DNM3: variants seen among roughly 807,000 people sequenced by gnomAD.
DNM3 encodes dynamin 3, also known as dynamin-3.
DNM3 carries 47 observed loss-of-function variants against 101.6 expected under a neutral mutation model. That is an observed-to-expected ratio of 0.46 (90% confidence interval 0.37 to 0.59). The LOEUF is 0.59. Ranked by LOEUF, DNM3 falls within the 20% of genes least tolerant of loss-of-function variation. The pLI is 0.00. For missense variants in DNM3, 849 were observed against 1,085.7 expected (o/e 0.78, Z 3.06); for synonymous variants, 385 against 387.9 (o/e 0.99, Z 0.09).
chr1:172,148,399 C>T (rs1339421023), intron 14 of DNM3, among the ~76,000 whole-genome samples: 2 of 150,088 alleles, frequency 1.3e-5, no homozygotes, highest in African/African-American at 2.5e-5. Context: ...GTCAAATATT[C>T]GTCATGATAA....
chr1:172,287,862 T>C (rs2063759261), intron 15 of DNM3, among the ~76,000 whole-genome samples: 1 of 151,822 alleles, frequency 6.6e-6, no homozygotes, highest in South Asian at 2.1e-4. Flanking sequence ...CTTGCTCTGT[T>C]GCCAGGCTGT....
Position 172,032,644 on chromosome 1 carries a change from A to T in DNM3, c.688+144A>T. The T allele has an allele frequency of 4.1e-6, 2 of 487,156 alleles. 1 individual carries two copies. The allele number at this position is 487,156 out of a possible 1,614,324, so 30.2% of individuals were successfully genotyped here. A position where few individuals can be genotyped will look rare whatever the true frequency, so the allele number is the denominator to read the frequency against. On this transcript the variant is annotated intron_variant, in intron 5 of 20. Coordinates refer to ENST00000627582, the MANE Select transcript of DNM3 (RefSeq NM_015569.5). ...GTAAGGAATGGATTTATTATTAGTT[A>T]TACTTTTCTGGAATGGCTGTATGTT...
intron 16 of DNM3, among the ~76,000 whole-genome samples, chr1:172,315,444 T>C (rs1432506537): frequency 6.6e-6 from 1 of 152,200 alleles, no homozygotes; most frequent in Non-Finnish European, 1.5e-5. Flanking sequence ...TACTCCGAGC[T>C]ACAGGAGGAA....
At chr1:171,945,592 C>A (rs948295503) in intron 2 of DNM3, among the ~76,000 whole-genome samples, 1 of 152,104 alleles carries the variant, frequency 6.6e-6, no homozygotes, top group Admixed American at 6.5e-5. Context: ...AGGAAGTTGA[C>A]CGTAGAAGCA....
intron 2 of DNM3, among the ~76,000 whole-genome samples, chr1:171,986,644 T>G (rs1034416652): frequency 2.0e-5 from 3 of 151,898 alleles, no homozygotes; most frequent in African/African-American, 7.3e-5. Context: ...TTTTTTTTTT[T>G]TTTTGAGATG....
intron 4 of DNM3, among the ~76,000 whole-genome samples, chr1:172,009,801 C>T (rs910873502): frequency 1.0e-3 from 157 of 150,816 alleles, no homozygotes; most frequent in African/African-American, 3.4e-3. Context: ...AAATGTATAA[C>T]GGTAGAAGTA....
chr1:172,103,006 T>A (rs1463769658), intron 13 of DNM3, among the ~76,000 whole-genome samples: 1 of 152,186 alleles, frequency 6.6e-6, no homozygotes, highest in Non-Finnish European at 1.5e-5. Context: ...GTATCCAAAG[T>A]ACATAATTTT....
At chr1:171,960,527 G>A in intron 2 of DNM3, among the ~76,000 whole-genome samples, 1 of 152,162 alleles carries the variant, frequency 6.6e-6, no homozygotes, top group African/African-American at 2.4e-5. Context: ...AGAGGTGATT[G>A]GATCTTGAAG....
chr1:172,138,579 G>A, intron 14 of DNM3: 1 of 199,800 alleles, frequency 5.0e-6, no homozygotes. Flanking sequence ...AGAATGCACA[G>A]GAACATTTTC....
chr1:172,271,850 T>C (rs2063100161), intron 15 of DNM3, among the ~76,000 whole-genome samples: 2 of 152,302 alleles, frequency 1.3e-5, no homozygotes, highest in South Asian at 2.1e-4. Flanking sequence ...CAAATGTTTA[T>C]ACATTTCATT....
At chr1:172,230,753 T>C (rs1178853957) in intron 14 of DNM3, among the ~76,000 whole-genome samples, 1 of 152,082 alleles carries the variant, frequency 6.6e-6, no homozygotes, top group Admixed American at 6.5e-5. Context: ...CTACCAAAAT[T>C]GTGGTTCTAG....
intron 14 of DNM3, among the ~76,000 whole-genome samples, chr1:172,235,761 C>T (rs1486473166): frequency 2.6e-5 from 4 of 151,962 alleles, no homozygotes; most frequent in Non-Finnish European, 2.9e-5. Flanking sequence ...AACCAAACAC[C>T]GCATGTTCTC....
At chr1:171,972,255 GT>G (rs1455676457) in intron 2 of DNM3, among the ~76,000 whole-genome samples, 50 of 152,332 alleles carry the variant, frequency 3.3e-4, no homozygotes, top group African/African-American at 1.2e-3. Context: ...TCTTGAACGT[GT>G]TACTTAGCCT....
At chr1:172,121,845 G>T (rs1450342607) in intron 13 of DNM3, among the ~76,000 whole-genome samples, 1 of 152,136 alleles carries the variant, frequency 6.6e-6, no homozygotes, top group South Asian at 2.1e-4. Flanking sequence ...TTAAATATTG[G>T]TTCCTTATTT....
At chr1:171,981,323 T>C (rs973575136) in intron 2 of DNM3, among the ~76,000 whole-genome samples, 3 of 152,236 alleles carry the variant, frequency 2.0e-5, no homozygotes, top group Non-Finnish European at 4.4e-5. Flanking sequence ...GTTAAAATTT[T>C]GAGGAACCTT....
At chr1:172,192,399 A>T (rs1416873892) in intron 14 of DNM3, among the ~76,000 whole-genome samples, 2 of 148,078 alleles carry the variant, frequency 1.4e-5, no homozygotes, top group African/African-American at 2.5e-5. Context: ...ATTATACTTT[A>T]AGTTTTAGGG....
At chr1:172,091,156 G>A (rs931809448) in intron 12 of DNM3, among the ~76,000 whole-genome samples, 1 of 152,150 alleles carries the variant, frequency 6.6e-6, no homozygotes, top group Non-Finnish European at 1.5e-5. Flanking sequence ...GGTTATAATG[G>A]CATCAACTTC....
intron 1 of DNM3, among the ~76,000 whole-genome samples, chr1:171,845,410 A>G (rs1453957921): frequency 6.6e-6 from 1 of 152,144 alleles, no homozygotes; most frequent in Non-Finnish European, 1.5e-5. Flanking sequence ...ATAATTAGCC[A>G]GGTATGGTGG....
intron 16 of DNM3, among the ~76,000 whole-genome samples, chr1:172,318,230 C>T (rs564447727): frequency 2.9e-4 from 44 of 152,182 alleles, no homozygotes; most frequent in African/African-American, 7.7e-4. Flanking sequence ...ATTGATGGGA[C>T]GTATCTCAAA....
Sources: gnomAD v4.1 joint callset for allele counts (sites outside exome capture counted in the v4.1 genomes callset) on GRCh38, gnomAD v4.1.1 for gene constraint, MANE v1.5 for transcripts, NCBI Gene and HGNC (gene_info 2026-07-23, HGNC 2026-07-21) for gene names.